Variants in DHX32 observed in about 807,000 individuals in gnomAD.
The protein encoded by DHX32 is putative pre-mRNA-splicing factor ATP-dependent RNA helicase DHX32.
DHX32 carries 51 observed loss-of-function variants against 70.0 expected under a neutral mutation model. The observed-to-expected ratio is 0.73, with a 90% CI of 0.58 to 0.92. The LOEUF is 0.92. DHX32 is among the 40% of genes least tolerant of loss of function. The pLI is 0.00. For synonymous variants in DHX32, 310 were observed against 315.3 expected (o/e 0.98, Z 0.18); for missense variants, 762 against 891.8 (o/e 0.85, Z 1.85).
chr10:125,879,182 C>T (rs1055551009), intron 1 of DHX32, among the ~76,000 whole-genome samples: 11 of 151,578 alleles, frequency 7.3e-5, no homozygotes, highest in African/African-American at 2.7e-4. Flanking sequence ...CACCACCATG[C>T]CCAGCTAATT....
upstream of DHX32, among the ~76,000 whole-genome samples, chr10:125,884,922 C>A (rs1944334413): frequency 6.6e-6 from 1 of 152,104 alleles, no homozygotes; most frequent in Admixed American, 6.5e-5. Context: ...CTTCCCCTTT[C>A]TCTCTTTAAT....
chr10:125,889,798 T>A (rs5001895), intron 1 of DHX32, among the ~76,000 whole-genome samples: 2,779 of 132,780 alleles, frequency 0.021, no homozygotes, highest in African/African-American at 0.12. Context: ...CCAGATGCTA[T>A]GTTCAGCACT....
chr10:125,837,006 T>C (rs1411303639), intron 10 of DHX32, 151 bp from the exon 11 acceptor site: 5 of 677,262 alleles, frequency 7.4e-6, no homozygotes, highest in Non-Finnish European at 1.2e-5. Flanking sequence ...TCCGACTTTG[T>C]AAAATAAATA....
intron 6 of DHX32, among the ~76,000 whole-genome samples, chr10:125,844,946 CA>C (rs1283254172): frequency 1.3e-5 from 2 of 152,246 alleles, no homozygotes; most frequent in African/African-American, 4.8e-5. Flanking sequence ...GCTATCATTA[CA>C]GTATTTCTTC....
Position 125,887,722 on chromosome 10 carries a change from C to A in DHX32, c.-247-6651G>T, listed in dbSNP as rs536015424. 1.8e-4 allele frequency among the ~76,000 whole-genome samples: 28 copies of A among 152,152 alleles called. No individual in the cohort carries two copies. In the East Asian group the frequency reaches 5.2e-3, roughly 28 times the overall value. On this transcript the variant is annotated intron_variant, in intron 1 of 2. Transcript: ENST00000415732. ...CTCCTGGGCTCAAGTGATCCTCCTG[C>A]CTTAGCTTTCCGAGTAGCTAGAAGT...
chr10:125,865,400 A>G (rs1944214706), intron 2 of DHX32, among the ~76,000 whole-genome samples: 1 of 152,240 alleles, frequency 6.6e-6, no homozygotes, highest in Non-Finnish European at 1.5e-5. Context: ...TATCTTCAAG[A>G]AGTTCAAGTC....
chr10:125,839,933 G>T (rs768057593), intron 8 of DHX32, among the ~76,000 whole-genome samples: 1 of 152,062 alleles, frequency 6.6e-6, no homozygotes, highest in African/African-American at 2.4e-5. Context: ...CCCTCAAAAG[G>T]TGCCACCAGA....
chr10:125,855,883 T>A (rs968045235), intron 3 of DHX32, among the ~76,000 whole-genome samples: 6 of 152,246 alleles, frequency 3.9e-5, no homozygotes, highest in African/African-American at 1.4e-4. Flanking sequence ...AATTCTTCGG[T>A]CTAATGCTCT....
intron 3 of DHX32, among the ~76,000 whole-genome samples, chr10:125,858,894 A>T (rs943982417): frequency 6.7e-6 from 1 of 149,688 alleles, no homozygotes; most frequent in Non-Finnish European, 1.5e-5. Flanking sequence ...GCTGCAATTT[A>T]AAAAAAAAAT....
chr10:125,860,055 C>G lies in DHX32; in HGVS notation c.477-80G>C, dbSNP rs1944176750. 8.6e-6 allele frequency: 11 copies of G among 1,282,496 alleles called. No individual in the cohort carries two copies. The South Asian group carries it at 1.9e-4, about 22-fold the overall frequency. 79.4% of individuals were successfully genotyped at this position (1,282,496 alleles called of 1,614,324 possible). A position where few individuals can be genotyped will look rare whatever the true frequency, so the allele number is the denominator to read the frequency against. Reference sequence around the variant, plus strand: ...ACTTCCTAACAAGAAAAATGCCTTTCCTATATTCATTTCTCTAAATCAGTA... The same window carrying G: ...ACTTCCTAACAAGAAAAATGCCTTTGCTATATTCATTTCTCTAAATCAGTA... On this transcript the variant is annotated intron_variant, in intron 2 of 10. Transcript: ENST00000284690.
chr10:125,838,939 G>A (rs1183300162), intron 9 of DHX32, 62 bp downstream of exon 9: 5 of 1,497,046 alleles, frequency 3.3e-6, no homozygotes, highest in Non-Finnish European at 4.5e-6. Flanking sequence ...ATTGTTGGCA[G>A]CATATCCTGA....
At position 125,836,761 on chromosome 10, in the gene DHX32, C is replaced by T. The variant is rs773018038; in HGVS notation, c.2158G>A (p.Val720Met). The T allele has an allele frequency of 1.9e-6, 3 of 1,614,164 alleles. No individual in the cohort carries two copies. Among genetic ancestry groups the T allele is most frequent in the South Asian group, 1.1e-5 (1 of 91,084 alleles). Residue 720 changes from valine (V) to methionine (M), a missense_variant, in exon 11 of 11, where the codon GTG becomes ATG. This residue lies in a region of DHX32 where 366 missense variants were observed against 402.6 expected (regional missense o/e 0.91). Coordinates refer to ENST00000284690, the MANE Select transcript of DHX32 (RefSeq NM_018180.3). ...TGCTGTTCCTTATTCATTGTTGACA[C>T]AGGGGATAGGTGATCCACTACTTGC... ...LQQVVDHLSPVSTMNKEQQMC... is the reference protein window; with the variant it reads ...LQQVVDHLSPMSTMNKEQQMC...
At chr10:125,848,048 G>T (rs1173315132) in intron 6 of DHX32, among the ~76,000 whole-genome samples, 2 of 152,198 alleles carry the variant, frequency 1.3e-5, no homozygotes, top group African/African-American at 2.4e-5. Flanking sequence ...TTACATAAAT[G>T]GACAGAGAAA....
Position 125,836,627 on chromosome 10 carries a change from C to A in DHX32, c.*60G>T. The A allele has an allele frequency of 6.3e-7, 1 of 1,576,704 alleles. No individual in the cohort carries two copies. The highest frequency in any genetic ancestry group is 8.6e-7 in the Non-Finnish European group (1 of 1,157,910). On this transcript the variant is annotated 3_prime_UTR_variant, in exon 11 of 11. Transcript: ENST00000284690. ...CTTCGCGTCATGTATCTCCCATATC[C>A]AGCAGTTCAGCCATCCAGCTACCTT... is the stretch of plus-strand genomic sequence containing the variant.
At chr10:125,892,735 TA>T (rs1363107503) in intron 1 of DHX32, among the ~76,000 whole-genome samples, 4 of 152,286 alleles carry the variant, frequency 2.6e-5, no homozygotes, top group Admixed American at 6.5e-5. Flanking sequence ...CCCTTTATAT[TA>T]AAAAAGTTCA....
intron 1 of DHX32, among the ~76,000 whole-genome samples, chr10:125,892,558 C>G (rs1944377606): frequency 6.6e-6 from 1 of 152,262 alleles, no homozygotes; most frequent in Admixed American, 6.5e-5. Context: ...TAAACCACGG[C>G]TTAGTTGTTC....
intron 1 of DHX32, 21 bp downstream of exon 1, chr10:125,880,522 T>A (rs750820397): frequency 6.4e-7 from 1 of 1,555,082 alleles, no homozygotes; most frequent in Non-Finnish European, 8.7e-7. Flanking sequence ...CAGCAAATTA[T>A]TTTTTGTAGT....
intron 2 of DHX32, among the ~76,000 whole-genome samples, chr10:125,862,459 A>G (rs1182428708): frequency 6.6e-6 from 1 of 151,988 alleles, no homozygotes; most frequent in East Asian, 1.9e-4. Context: ...GCTGAGGCTA[A>G]TTAGAGATTT....
At chr10:125,838,926 G>T in intron 9 of DHX32, 75 bp downstream of exon 9, 1 of 1,427,736 alleles carries the variant, frequency 7.0e-7, no homozygotes, top group Non-Finnish European at 9.5e-7. Flanking sequence ...ATCATCCTAA[G>T]CCATTGTTGG....
Sources: allele counts gnomAD v4.1 joint callset (sites outside exome capture counted in the v4.1 genomes callset), GRCh38; gene constraint gnomAD v4.1.1; regional missense constraint gnomAD v4.1.1; transcripts MANE v1.5; gene names NCBI Gene and HGNC (gene_info 2026-07-23, HGNC 2026-07-21).